The following SLC35F1 variants were observed in gnomAD, a reference collection of about 807,000 sequenced individuals.
SLC35F1 encodes solute carrier family 35 member F1.
In SLC35F1, 14 loss-of-function variants were observed where a neutral mutation model predicts 48.7. The ratio of observed to expected loss-of-function variants is 0.29; its 90% CI spans 0.19 to 0.45. The LOEUF (loss-of-function observed/expected upper bound fraction) is 0.45, where lower values mean the gene tolerates loss of function less well. Ranked by LOEUF, SLC35F1 falls within the 20% of genes least tolerant of loss-of-function variation. The probability of loss-of-function intolerance (pLI) is 1.00; values close to 1 mark genes in which losing one functional copy is unlikely to be tolerated. For missense variants in SLC35F1, 404 were observed against 500.0 expected (o/e 0.81, Z 1.83); for synonymous variants, 190 against 202.2 (o/e 0.94, Z 0.51).
intron 3 of SLC35F1, among the ~76,000 whole-genome samples, chr6:118,254,929 C>A (rs1301616870): frequency 3.3e-5 from 5 of 152,174 alleles, no homozygotes; most frequent in Non-Finnish European, 7.3e-5. Flanking sequence ...GGTTCTAATT[C>A]TCATGCACTT....
chr6:118,290,973 T>C (rs1254164817), intron 7 of SLC35F1, among the ~76,000 whole-genome samples: 1 of 152,018 alleles, frequency 6.6e-6, no homozygotes, highest in African/African-American at 2.4e-5. Context: ...TTTTGTATTT[T>C]TAGTAGAGAC....
intron 1 of SLC35F1, among the ~76,000 whole-genome samples, chr6:117,927,860 T>G (rs1030577825): frequency 2.0e-5 from 3 of 152,204 alleles, no homozygotes; most frequent in Admixed American, 6.5e-5. Context: ...TACTTTCTAT[T>G]GCAGCCATTA....
At chr6:118,082,582 A>ATT (rs58010546) in intron 1 of SLC35F1, among the ~76,000 whole-genome samples, 5 of 146,008 alleles carry the variant, frequency 3.4e-5, no homozygotes, top group African/African-American at 7.5e-5. Context: ...CAAAGAAGGG[A>ATT]TTTTTTTTTT....
chr6:117,942,710 G>T (rs1416415), intron 1 of SLC35F1, among the ~76,000 whole-genome samples: 25,038 of 152,064 alleles, frequency 0.16, 3,458 homozygotes, highest in African/African-American at 0.37. Flanking sequence ...GAAATTTTAC[G>T]AGGAAGATTT....
chr6:118,191,385 C>T (rs966603878), intron 2 of SLC35F1, among the ~76,000 whole-genome samples: 7 of 152,086 alleles, frequency 4.6e-5, no homozygotes, highest in Non-Finnish European at 7.4e-5. Flanking sequence ...GAGGCATAAA[C>T]GAAAAGATAT....
intron 1 of SLC35F1, among the ~76,000 whole-genome samples, chr6:118,095,004 T>C (rs1319140362): frequency 6.7e-6 from 1 of 148,150 alleles, no homozygotes; most frequent in African/African-American, 2.5e-5. Flanking sequence ...TGATGGTGTG[T>C]GCATATGATT....
chr6:118,122,855 G>T (rs1282936889), intron 1 of SLC35F1, among the ~76,000 whole-genome samples: 1 of 152,186 alleles, frequency 6.6e-6, no homozygotes, highest in African/African-American at 2.4e-5. Flanking sequence ...GAGGCCCAGT[G>T]ATGAATAAGG....
chr6:118,145,285 C>A (rs561600565), intron 1 of SLC35F1, among the ~76,000 whole-genome samples: 1 of 152,316 alleles, frequency 6.6e-6, no homozygotes, highest in African/African-American at 2.4e-5. Flanking sequence ...GAGTCTTTGA[C>A]ACAGGAGTGA....
chr6:118,032,374 T>C (rs140416631), intron 1 of SLC35F1, among the ~76,000 whole-genome samples: 1 of 152,290 alleles, frequency 6.6e-6, no homozygotes, highest in East Asian at 1.9e-4. Flanking sequence ...TGTATTCATT[T>C]AGAAAACTTC....
chr6:118,154,620 G>A lies in SLC35F1; in HGVS notation c.349G>A (p.Gly117Arg). 1 of 1,601,654 alleles carries A rather than the reference G, an allele frequency of 6.2e-7. No individual in the cohort carries two copies. The highest frequency in any genetic ancestry group is 1.1e-5 in the South Asian group (1 of 88,562). ...TACCACCACACTAGCCGTCAGACAA[G>A]GTAAGCTCACAAAAGCACCAGGAAT... ...VYTTTLAVRQ[G>R]EENLLAILRR... The change falls in exon 2 of 8, where the codon GGA becomes AGA. Residue 117 changes from glycine to arginine, a missense_variant and splice_region_variant. Coordinates refer to ENST00000360388, the MANE Select transcript of SLC35F1 (RefSeq NM_001029858.4).
At chr6:118,071,028 A>ATGTGTATATATT (rs1772705972) in intron 1 of SLC35F1, among the ~76,000 whole-genome samples, 3 of 38,910 alleles carry the variant, frequency 7.7e-5, no homozygotes, top group Non-Finnish European at 5.1e-5. Flanking sequence ...TATATATTCT[A>ATGTGTATATATT]CGTGTATATA....
chr6:117,959,428 A>C (rs1425117907), intron 1 of SLC35F1, among the ~76,000 whole-genome samples: 1 of 152,272 alleles, frequency 6.6e-6, no homozygotes, highest in Non-Finnish European at 1.5e-5. Context: ...TCCATGTTAC[A>C]AGGGCCTTTT....
At chr6:118,083,849 A>T (rs1772946957) in intron 1 of SLC35F1, among the ~76,000 whole-genome samples, 2 of 152,216 alleles carry the variant, frequency 1.3e-5, no homozygotes, top group South Asian at 4.1e-4. Context: ...AGCTTCACAA[A>T]TGCAAACTGT....
intron 1 of SLC35F1, among the ~76,000 whole-genome samples, chr6:118,144,940 A>T (rs1028643183): frequency 2.0e-5 from 3 of 150,544 alleles, no homozygotes; most frequent in Non-Finnish European, 4.4e-5. Flanking sequence ...CCTTCTCTTT[A>T]TTTTTAATAA....
intron 2 of SLC35F1, among the ~76,000 whole-genome samples, chr6:118,214,272 A>G (rs1464856493): frequency 6.6e-6 from 1 of 152,178 alleles, no homozygotes; most frequent in African/African-American, 2.4e-5. Flanking sequence ...AGGTTCAGGT[A>G]TGCCTCATTG....
intron 2 of SLC35F1, among the ~76,000 whole-genome samples, chr6:118,173,057 C>A (rs62423700): frequency 4.5e-4 from 68 of 152,220 alleles, no homozygotes; most frequent in Non-Finnish European, 7.6e-4. Flanking sequence ...TGAGAATATA[C>A]AGCACATCAT....
At chr6:118,072,454 C>G (rs1284139290) in intron 1 of SLC35F1, among the ~76,000 whole-genome samples, 2 of 152,026 alleles carry the variant, frequency 1.3e-5, no homozygotes, top group African/African-American at 4.8e-5. Context: ...GTCCCAGCTA[C>G]TCGGGAGGCT....
intron 1 of SLC35F1, among the ~76,000 whole-genome samples, chr6:117,973,670 T>G (rs1776671519): frequency 6.6e-6 from 1 of 152,130 alleles, no homozygotes; most frequent in African/African-American, 2.4e-5. Flanking sequence ...GAAGAGACCC[T>G]CCTGCCTCAG....
Position 117,907,518 on chromosome 6 carries a change from C to T in SLC35F1, c.-209C>T, listed in dbSNP as rs1192618838. On this transcript the variant is annotated 5_prime_UTR_variant, in exon 1 of 8. Coordinates refer to ENST00000360388, the MANE Select transcript of SLC35F1 (RefSeq NM_001029858.4). ...CGGCGGCGGCACGGGCGCGAGGGTG[C>T]GCGCACTGGGACTGGAGAGGAGTGA... is the stretch of plus-strand genomic sequence containing the variant. 6.5e-6 allele frequency: 2 copies of T among 306,018 alleles called. No individual in the cohort carries two copies. Among genetic ancestry groups the T allele is most frequent in the Non-Finnish European group, 5.9e-6 (1 of 168,890 alleles). The allele number at this position is 306,018 out of a possible 1,614,324, so 19.0% of individuals were successfully genotyped here.
Sources: allele counts gnomAD v4.1 joint callset (sites outside exome capture counted in the v4.1 genomes callset), GRCh38; gene constraint gnomAD v4.1.1; transcripts MANE v1.5; gene names NCBI Gene and HGNC (gene_info 2026-07-23, HGNC 2026-07-21).